The following DIAPH2 variants were observed in gnomAD, a reference collection of about 807,000 sequenced individuals.
DIAPH2 encodes protein diaphanous homolog 2.
In DIAPH2, 35 loss-of-function variants were observed where a neutral mutation model predicts 92.7. That is an observed-to-expected ratio of 0.38 (90% CI 0.29 to 0.50). The LOEUF is 0.50. DIAPH2 is among the 20% of genes least tolerant of loss of function. The pLI, the probability that DIAPH2 is intolerant of heterozygous loss-of-function variation, is 0.94. For missense variants in DIAPH2, 701 were observed against 819.5 expected (o/e 0.86, Z 1.77); for synonymous variants, 301 against 280.4 (o/e 1.07, Z -0.73).
chrX:96,954,998 A>G (rs2065801192), intron 15 of DIAPH2, among the ~76,000 whole-genome samples: 1 of 112,872 alleles, frequency 8.9e-6, no homozygotes, highest in Non-Finnish European at 1.9e-5. Flanking sequence ...TTTTGTACAT[A>G]TATTTATAAA....
intron 20 of DIAPH2, among the ~76,000 whole-genome samples, chrX:97,100,214 G>A (rs2066897035): frequency 9.0e-6 from 1 of 110,935 alleles, no homozygotes; most frequent in Admixed American, 9.7e-5. Flanking sequence ...TCTTTTTCTA[G>A]GGTATATGTC....
intron 22 of DIAPH2, among the ~76,000 whole-genome samples, chrX:97,195,431 C>T (rs1005475606): frequency 1.9e-4 from 21 of 110,649 alleles, no homozygotes; most frequent in African/African-American, 4.9e-4. Context: ...GAGGCTGAAG[C>T]GGGTAGATCA....
intron 26 of DIAPH2, among the ~76,000 whole-genome samples, chrX:97,434,659 C>G (rs965317667): frequency 6.3e-5 from 7 of 110,675 alleles, no homozygotes; most frequent in African/African-American, 2.3e-4. Flanking sequence ...ATCCGCCCGC[C>G]TTGGCCTCCC....
At chrX:97,525,694 C>A (rs2071020170) in intron 26 of DIAPH2, among the ~76,000 whole-genome samples, 1 of 111,967 alleles carries the variant, frequency 8.9e-6, no homozygotes, top group Non-Finnish European at 1.9e-5. Flanking sequence ...ATAAGTATAT[C>A]AAAGAATACA....
intron 21 of DIAPH2, among the ~76,000 whole-genome samples, chrX:97,135,535 G>A (rs1448245240): frequency 1.8e-5 from 2 of 110,799 alleles, no homozygotes; most frequent in Admixed American, 1.9e-4. Flanking sequence ...TTCTATTCAG[G>A]GAAGTTGAGA....
chrX:96,939,682 TGAGACGGAG>T (rs2065690112), intron 12 of DIAPH2, among the ~76,000 whole-genome samples: 3 of 55,314 alleles, frequency 5.4e-5, no homozygotes, highest in Non-Finnish European at 1.0e-4. Flanking sequence ...TTTTTTTTTT[TGAGACGGAG>T]TTTCGCTCTG....
At chrX:96,746,060 G>A (rs953320829) in intron 3 of DIAPH2, among the ~76,000 whole-genome samples, 2 of 111,021 alleles carry the variant, frequency 1.8e-5, no homozygotes, top group Admixed American at 9.6e-5. Context: ...CCAAATAAAC[G>A]TGATTTTTTT....
intron 26 of DIAPH2, among the ~76,000 whole-genome samples, chrX:97,464,851 T>C (rs2070495846): frequency 9.0e-6 from 1 of 111,562 alleles, no homozygotes; most frequent in Non-Finnish European, 1.9e-5. Flanking sequence ...GTTGTTGTTG[T>C]TTTGTTTTGT....
At chrX:96,877,852 C>T (rs973115311) in intron 4 of DIAPH2, among the ~76,000 whole-genome samples, 2 of 112,211 alleles carry the variant, frequency 1.8e-5, no homozygotes, top group African/African-American at 6.5e-5. Context: ...TATCTCCATC[C>T]TAATGATTTT....
At chrX:96,941,191 T>C (rs1355766959) in intron 12 of DIAPH2, among the ~76,000 whole-genome samples, 9 of 112,185 alleles carry the variant, frequency 8.0e-5, no homozygotes, top group Non-Finnish European at 1.7e-4. Context: ...ATCAGCACAC[T>C]ATATTTAGGG....
rs759416500 is a variant in DIAPH2 at position 97,509,012 on chromosome X, G to GTTAGTTAT, written c.3241+79270_3241+79271insGTTATTTA. On this transcript the variant is annotated intron_variant, in intron 26 of 26. Coordinates refer to ENST00000324765, the MANE Select transcript of DIAPH2 (RefSeq NM_006729.5). The stretch of plus-strand genomic sequence containing the variant: ...GACTACCAAGAGAAAAGCATACAAA[G>GTTAGTTAT]TTATTTATTTATTTATTTATTTATT... Among the ~76,000 whole-genome samples, 489 of 90,413 alleles carry GTTAGTTAT rather than the reference G, an allele frequency of 5.4e-3. 9 individuals carry two copies. The East Asian group carries it at 0.08, about 15-fold the overall frequency. The allele number at this position is 90,413 out of a possible 115,157, so 78.5% of individuals were successfully genotyped here. A position where few individuals can be genotyped will look rare whatever the true frequency, so the allele number is the denominator to read the frequency against.
At chrX:96,736,825 G>A (rs752627460) in intron 2 of DIAPH2, among the ~76,000 whole-genome samples, 60 of 111,987 alleles carry the variant, frequency 5.4e-4, no homozygotes, top group South Asian at 5.2e-3. Flanking sequence ...GGCTAGTACT[G>A]GAAAAGTAAA....
At chrX:97,534,360 T>C (rs1360807196) in intron 26 of DIAPH2, among the ~76,000 whole-genome samples, 1 of 110,973 alleles carries the variant, frequency 9.0e-6, no homozygotes. Context: ...CCCATTCTTA[T>C]AAATTATGTG....
chrX:97,093,986 A>G (rs1362861795), intron 19 of DIAPH2, among the ~76,000 whole-genome samples: 1 of 112,220 alleles, frequency 8.9e-6, no homozygotes, highest in East Asian at 2.8e-4. Context: ...AAAAATTGTC[A>G]GAAGTGTGAC....
In DIAPH2 at chrX:97,117,036, C is replaced by T. The variant is rs753168099; in HGVS notation, c.2589+2071C>T. ...TCAAATAAAATAAAAAATAATCTTGCGGGAAATACTATCATGTAGCAATAG... is the reference window on the plus strand; with the variant it reads ...TCAAATAAAATAAAAAATAATCTTGTGGGAAATACTATCATGTAGCAATAG... On this transcript the variant is annotated intron_variant, in intron 21 of 26. Coordinates refer to ENST00000324765, the MANE Select transcript of DIAPH2 (RefSeq NM_006729.5). 2.2e-3 allele frequency among the ~76,000 whole-genome samples: 242 copies of T among 111,359 alleles called. 1 individual carries two copies. Among genetic ancestry groups the T allele is most frequent in the African/African-American group, 7.3e-3 (224 of 30,693 alleles).
rs1313407240 is a variant in DIAPH2, at chrX:97,090,506, T to C, written c.2248-9188T>C. 6.4e-5 allele frequency among the ~76,000 whole-genome samples: 7 copies of C among 109,208 alleles called. No homozygotes were observed. In the East Asian group the frequency reaches 2.0e-3, roughly 31 times the overall value. The allele number at this position is 109,208 out of a possible 115,157, so 94.8% of individuals were successfully genotyped here. ...TCTACACTCAGTTGATGATTCTCTT[T>C]GTGAAAATGTATGGGATGTTTGGAA... is the stretch of plus-strand genomic sequence containing the variant. On this transcript the variant is annotated intron_variant, in intron 19 of 26. Coordinates refer to ENST00000324765, the MANE Select transcript of DIAPH2 (RefSeq NM_006729.5).
chrX:96,699,994 C>G (rs755547143), intron 1 of DIAPH2, among the ~76,000 whole-genome samples: 18 of 111,755 alleles, frequency 1.6e-4, no homozygotes, highest in African/African-American at 5.9e-4. Flanking sequence ...AACTCATCAT[C>G]TATATGAATT....
chrX:97,294,528 C>G (rs1284109605), intron 23 of DIAPH2, among the ~76,000 whole-genome samples: 1 of 111,091 alleles, frequency 9.0e-6, no homozygotes, highest in African/African-American at 3.3e-5. Flanking sequence ...TATATTTGTG[C>G]ATATTAGTTA....
At chrX:96,742,749 C>T (rs962369502) in intron 3 of DIAPH2, among the ~76,000 whole-genome samples, 3 of 109,834 alleles carry the variant, frequency 2.7e-5, no homozygotes, top group African/African-American at 6.7e-5. Context: ...TCACTGCAAC[C>T]TCTGCCTCCC....
Sources: allele counts gnomAD v4.1 joint callset (sites outside exome capture counted in the v4.1 genomes callset), GRCh38; gene constraint gnomAD v4.1.1; transcripts MANE v1.5; gene names NCBI Gene and HGNC (gene_info 2026-07-23, HGNC 2026-07-21).